The following ITSN1 variants were observed in gnomAD, a reference collection of about 807,000 sequenced individuals.
The protein encoded by ITSN1 is intersectin 1.
A neutral mutation model predicts 239.8 loss-of-function variants in ITSN1; 58 were observed. That is an observed-to-expected ratio of 0.24 (90% CI 0.20 to 0.30). ITSN1 has a LOEUF of 0.30. ITSN1 is among the 10% of genes least tolerant of loss of function. The pLI, the probability that ITSN1 is intolerant of heterozygous loss-of-function variation, is 1.00. For synonymous variants in ITSN1, 780 were observed against 770.8 expected (o/e 1.01, Z -0.20); for missense variants, 1,558 against 2,103.3 (o/e 0.74, Z 5.07).
At chr21:33,772,829 T>C (rs1286987860) in intron 12 of ITSN1, among the ~76,000 whole-genome samples, 1 of 152,186 alleles carries the variant, frequency 6.6e-6, no homozygotes, top group African/African-American at 2.4e-5. Context: ...TTTTTGATGA[T>C]ACAATTTTGT....
intron 1 of ITSN1, among the ~76,000 whole-genome samples, chr21:33,692,030 A>G (rs1327417689): frequency 6.6e-6 from 1 of 152,222 alleles, no homozygotes; most frequent in Non-Finnish European, 1.5e-5. Flanking sequence ...TCAAATATCA[A>G]AGGTGATCAG....
intron 30 of ITSN1, 95 bp downstream of exon 30, chr21:33,856,952 C>A: frequency 1.6e-6 from 2 of 1,225,260 alleles, no homozygotes; most frequent in Non-Finnish European, 2.3e-6. Context: ...TGATTCTGAG[C>A]CCAAGAAACT....
intron 33 of ITSN1, among the ~76,000 whole-genome samples, chr21:33,868,805 A>G (rs926868650): frequency 6.6e-6 from 1 of 152,186 alleles, no homozygotes; most frequent in African/African-American, 2.4e-5. Context: ...AAGTGCTGCC[A>G]AAGTGGGAGC....
intron 1 of ITSN1, among the ~76,000 whole-genome samples, chr21:33,665,605 T>C (rs1393021595): frequency 1.3e-5 from 2 of 152,150 alleles, no homozygotes; most frequent in African/African-American, 4.8e-5. Flanking sequence ...AGATACAGAG[T>C]TATATGGCTT....
chr21:33,811,363 G>C (rs1033282852), intron 21 of ITSN1, 141 bp downstream of exon 21: 10 of 722,728 alleles, frequency 1.4e-5, no homozygotes, highest in South Asian at 2.3e-5. Context: ...CCTTTCTCTA[G>C]CTGGCGAATT....
At chr21:33,857,830 C>T (rs1158450397) in intron 30 of ITSN1, among the ~76,000 whole-genome samples, 1 of 152,096 alleles carries the variant, frequency 6.6e-6, no homozygotes, top group Non-Finnish European at 1.5e-5. Flanking sequence ...AACGCACCAC[C>T]ATATGTGGTT....
intron 8 of ITSN1, among the ~76,000 whole-genome samples, chr21:33,759,048 A>G (rs1446760345): frequency 6.6e-6 from 1 of 152,232 alleles, no homozygotes. Context: ...GATAATTGTG[A>G]TCTTCTAGTG....
chr21:33,884,497 GCAT>G (rs1985460330), intron 36 of ITSN1, among the ~76,000 whole-genome samples: 1 of 152,174 alleles, frequency 6.6e-6, no homozygotes, highest in African/African-American at 2.4e-5. Context: ...CACAAGGCCA[GCAT>G]CATTCCAAAG....
In ITSN1 at chr21:33,877,278, T is replaced by C. The variant is rs936922870; in HGVS notation, c.4341+1757T>C. Among the ~76,000 whole-genome samples the C allele has an allele frequency of 2.4e-4, 37 of 152,206 alleles. 1 individual carries two copies. The highest frequency in any genetic ancestry group is 7.9e-4 in the African/African-American group (33 of 41,544). On this transcript the variant is annotated intron_variant, in intron 34 of 39. Coordinates refer to ENST00000381318, the MANE Select transcript of ITSN1 (RefSeq NM_003024.3). ...CATGTTGACCAGTCTGGTCTCGAAC[T>C]CCTGGCCTCAGAAGATCCACCTGCC...
At position 33,690,819 on chromosome 21, in the gene ITSN1, A is replaced by G. The variant is rs1203031301; in HGVS notation, c.-32-27978A>G. Among the ~76,000 whole-genome samples the G allele has an allele frequency of 1.9e-4, 12 of 61,718 alleles. 3 individuals are homozygous for G. Among genetic ancestry groups the G allele is most frequent in the Admixed American group, 1.3e-3 (8 of 6,300 alleles). The allele number at this position is 61,718 out of a possible 152,430, so 40.5% of individuals were successfully genotyped here. On this transcript the variant is annotated intron_variant, in intron 1 of 39. Coordinates refer to ENST00000381318, the MANE Select transcript of ITSN1 (RefSeq NM_003024.3). ...TATATATATATATATATATATGTAT[A>G]TATATATATATATATATATGTAAAA... is the stretch of plus-strand genomic sequence containing the variant.
chr21:33,700,271 G>T (rs2091953352), intron 1 of ITSN1, among the ~76,000 whole-genome samples: 1 of 152,006 alleles, frequency 6.6e-6, no homozygotes, highest in African/African-American at 2.4e-5. Flanking sequence ...TTTTAGTAGA[G>T]ATGGCATTTT....
intron 5 of ITSN1, among the ~76,000 whole-genome samples, chr21:33,747,864 G>A (rs1486470859): frequency 2.6e-5 from 4 of 152,134 alleles, no homozygotes; most frequent in Non-Finnish European, 5.9e-5. Context: ...AATGACAAAA[G>A]GTGGTAACTT....
chr21:33,725,839 A>G (rs1443531910), intron 4 of ITSN1, among the ~76,000 whole-genome samples: 1 of 152,216 alleles, frequency 6.6e-6, no homozygotes, highest in African/African-American at 2.4e-5. Context: ...TGGAAATTTC[A>G]TGAACCACTG....
At position 33,818,519 on chromosome 21, in the gene ITSN1, C is replaced by T. The variant is rs771263739; in HGVS notation, c.2933+47C>T. 6.4e-5 allele frequency: 93 copies of T among 1,451,568 alleles called. 1 individual carries two copies. Among genetic ancestry groups the T allele is most frequent in the South Asian group, 5.5e-4 (48 of 87,502 alleles). 89.9% of individuals were successfully genotyped at this position (1,451,568 alleles called of 1,614,324 possible). ...TGTATTTGATGAAAACAATATTAGG[C>T]GTTATATTACTGTTTGCACTAGTTA... is the stretch of plus-strand genomic sequence containing the variant. On this transcript the variant is annotated intron_variant, in intron 23 of 39. Coordinates refer to ENST00000381318, the MANE Select transcript of ITSN1 (RefSeq NM_003024.3).
At chr21:33,880,789 A>G (rs1036862901) in intron 34 of ITSN1, among the ~76,000 whole-genome samples, 2 of 151,412 alleles carry the variant, frequency 1.3e-5, no homozygotes, top group East Asian at 3.9e-4. Flanking sequence ...GCAGATGGGG[A>G]GCGTGAGGGG....
At chr21:33,690,761 A>T (rs1335396236) in intron 1 of ITSN1, among the ~76,000 whole-genome samples, 3 of 106,520 alleles carry the variant, frequency 2.8e-5, no homozygotes, top group Admixed American at 1.1e-4. Context: ...GCTCTGCCTC[A>T]GAAAAAAAAA....
intron 5 of ITSN1, among the ~76,000 whole-genome samples, chr21:33,738,375 A>ACAAAGGAG (rs2066629783): frequency 6.6e-6 from 1 of 152,134 alleles, no homozygotes; most frequent in Non-Finnish European, 1.5e-5. Context: ...CATATTTCTA[A>ACAAAGGAG]CAAAGGAGAT....
intron 5 of ITSN1, among the ~76,000 whole-genome samples, chr21:33,746,580 C>T (rs1190112215): frequency 2.6e-5 from 4 of 152,218 alleles, no homozygotes; most frequent in Non-Finnish European, 4.4e-5. Flanking sequence ...GTGGCTCACA[C>T]GTGTAATCCC....
intron 4 of ITSN1, among the ~76,000 whole-genome samples, chr21:33,726,476 A>G (rs1412167601): frequency 6.6e-6 from 1 of 151,758 alleles, no homozygotes; most frequent in African/African-American, 2.4e-5. Flanking sequence ...TCCTTGTGTC[A>G]GTCATCTGGG....
Sources: gnomAD v4.1 joint callset for allele counts (sites outside exome capture counted in the v4.1 genomes callset) on GRCh38, gnomAD v4.1.1 for gene constraint, MANE v1.5 for transcripts, NCBI Gene and HGNC (gene_info 2026-07-23, HGNC 2026-07-21) for gene names.